Variants in VSNL1 observed in about 807,000 individuals in gnomAD.
The protein encoded by VSNL1 is visinin-like protein 1.
Under a neutral mutation model 20.4 loss-of-function variants are expected in VSNL1, and 6 were observed. The ratio of observed to expected loss-of-function variants is 0.29; its 90% CI spans 0.16 to 0.58. The LOEUF is 0.58. VSNL1 is among the 20% of genes least tolerant of loss of function. The pLI is 0.90. For missense variants in VSNL1, 100 were observed against 234.5 expected, an observed-to-expected ratio of 0.43 and a Z score of 3.75; for synonymous variants, 93 against 86.4, an observed-to-expected ratio of 1.08 and a Z score of -0.42.
intron 2 of VSNL1, among the ~76,000 whole-genome samples, chr2:17,602,780 A>G (rs924525792): frequency 6.6e-6 from 1 of 151,662 alleles, no homozygotes; most frequent in Non-Finnish European, 1.5e-5. Context: ...AAAAAATAAA[A>G]TAAAATAAAA....
At chr2:17,551,780 A>C (rs966209603) in intron 1 of VSNL1, among the ~76,000 whole-genome samples, 2 of 152,104 alleles carry the variant, frequency 1.3e-5, no homozygotes, top group Non-Finnish European at 2.9e-5. Context: ...TTTGGCTGTT[A>C]GCCAAAATTG....
At chr2:17,541,703 C>A (rs974970000) in intron 1 of VSNL1, 5 of 152,138 alleles carry the variant, frequency 3.3e-5, no homozygotes, top group African/African-American at 1.2e-4. Flanking sequence ...GGTAGTATTT[C>A]TTTAAAGGAT....
intron 1 of VSNL1, among the ~76,000 whole-genome samples, chr2:17,559,564 G>A (rs1252811556): frequency 2.6e-5 from 4 of 152,060 alleles, no homozygotes; most frequent in Non-Finnish European, 5.9e-5. Flanking sequence ...ACTTTCTTTT[G>A]TTGGGCTTTA....
intron 1 of VSNL1, among the ~76,000 whole-genome samples, chr2:17,584,234 A>G (rs1043607657): frequency 7.0e-6 from 1 of 143,466 alleles, no homozygotes; most frequent in Non-Finnish European, 1.6e-5. Flanking sequence ...TGACAAAAAG[A>G]AGGAAACCCA....
intron 1 of VSNL1, among the ~76,000 whole-genome samples, chr2:17,550,077 T>C (rs1663495334): frequency 6.6e-6 from 1 of 152,236 alleles, no homozygotes; most frequent in Non-Finnish European, 1.5e-5. Flanking sequence ...CGAGATATTG[T>C]GAGCATACTT....
intron 2 of VSNL1, among the ~76,000 whole-genome samples, chr2:17,614,116 G>C (rs550230053): frequency 6.6e-6 from 1 of 152,210 alleles, no homozygotes; most frequent in East Asian, 1.9e-4. Flanking sequence ...GGGCCCTAGT[G>C]GGGAGGGCAT....
At chr2:17,576,685 GT>G (rs1398011481) in intron 1 of VSNL1, among the ~76,000 whole-genome samples, 1 of 151,994 alleles carries the variant, frequency 6.6e-6, no homozygotes, top group African/African-American at 2.4e-5. Context: ...TACTTTTTCT[GT>G]TTTTTTAGAT....
At chr2:17,582,412 A>AAG (rs1664369512) in intron 1 of VSNL1, among the ~76,000 whole-genome samples, 1 of 152,158 alleles carries the variant, frequency 6.6e-6, no homozygotes, top group Non-Finnish European at 1.5e-5. Context: ...GATAGTATGG[A>AAG]AGATGGAATT....
intron 3 of VSNL1, among the ~76,000 whole-genome samples, chr2:17,652,978 C>T (rs980249329): frequency 2.6e-5 from 4 of 152,176 alleles, no homozygotes; most frequent in African/African-American, 9.7e-5. Context: ...TACTTTGTTT[C>T]CCACCTCTTA....
chr2:17,580,204 C>A (rs1366975214), intron 1 of VSNL1, among the ~76,000 whole-genome samples: 1 of 152,162 alleles, frequency 6.6e-6, no homozygotes, highest in Non-Finnish European at 1.5e-5. Context: ...TTCCATAGAT[C>A]ACCACTTCTG....
chr2:17,649,623 G>A lies in VSNL1; in HGVS notation c.376G>A (p.Glu126Lys), dbSNP rs1418064674. 4 of 1,614,056 alleles carry A rather than the reference G, an allele frequency of 2.5e-6. No homozygotes were observed. The highest frequency in any genetic ancestry group is 3.4e-6 in the Non-Finnish European group (4 of 1,180,012). The change falls in exon 3 of 4, where the codon GAG becomes AAG. Residue 126 changes from glutamate to lysine, a missense_variant and splice_region_variant. Physicochemically the swap from Glu to Lys is moderately conservative, Grantham distance 56. Transcript: ENST00000295156. This position sits in a 1 kb window ranked among gnomAD's most constrained non-coding sequence, Gnocchi z 6.4. ...ITRVEMLEII[E>K]AIYKMVGTVI... is the part of the protein sequence containing the mutation. ...CCGAGTGGAGATGCTGGAGATCATC[G>A]AGGTGAGGCCCGGGGTGTGGTTGGC... is the stretch of plus-strand genomic sequence containing the variant.
rs1198249649 is a variant in VSNL1, at chr2:17,656,297, A to G, written c.*903A>G. On this transcript the variant is annotated 3_prime_UTR_variant, in exon 4 of 4. Coordinates refer to ENST00000295156, the MANE Select transcript of VSNL1 (RefSeq NM_003385.5). ...GGAATTTGAAGAATTAATGACAACA[A>G]AAGGGAAAAAAGCAACTTTCCAACT... 3 of 152,244 alleles carry G rather than the reference A, an allele frequency of 2.0e-5. No homozygotes were observed. The highest frequency in any genetic ancestry group is 7.2e-5 in the African/African-American group (3 of 41,462). The allele number at this position is 152,244 out of a possible 1,614,324, so 9.4% of individuals were successfully genotyped here.
chr2:17,571,613 C>A (rs977145059), intron 1 of VSNL1, among the ~76,000 whole-genome samples: 1 of 152,168 alleles, frequency 6.6e-6, no homozygotes, highest in Admixed American at 6.5e-5. Flanking sequence ...ACCTACTCAG[C>A]ACCAGGGACA....
At position 17,655,459 on chromosome 2, in the gene VSNL1, A is replaced by T. The variant is rs1261113904; in HGVS notation, c.*65A>T. On this transcript the variant is annotated 3_prime_UTR_variant, in exon 4 of 4. Transcript: ENST00000295156. This position sits in a 1 kb window ranked among gnomAD's most constrained non-coding sequence, Gnocchi z 5.2. ...TTCCATTCAGTCTGCAGCTATTCACACACACACACACACACACACACACAC... is the reference window on the plus strand; with the variant it reads ...TTCCATTCAGTCTGCAGCTATTCACTCACACACACACACACACACACACAC... 4.5e-6 allele frequency: 2 copies of T among 445,356 alleles called. No individual in the cohort carries two copies. Among genetic ancestry groups the T allele is most frequent in the Non-Finnish European group, 6.1e-6 (2 of 327,072 alleles). The allele number at this position is 445,356 out of a possible 1,614,324, so 27.6% of individuals were successfully genotyped here.
intron 2 of VSNL1, among the ~76,000 whole-genome samples, chr2:17,643,056 G>A (rs1665915685): frequency 6.6e-6 from 1 of 152,102 alleles, no homozygotes; most frequent in Non-Finnish European, 1.5e-5. Flanking sequence ...GAGCCTACAT[G>A]TGGAAGGAGC....
intron 1 of VSNL1, among the ~76,000 whole-genome samples, chr2:17,569,064 T>C (rs1333247417): frequency 6.6e-6 from 1 of 152,188 alleles, no homozygotes; most frequent in Non-Finnish European, 1.5e-5. Flanking sequence ...TCACAGCACT[T>C]TGGGAGGCCG....
intron 1 of VSNL1, among the ~76,000 whole-genome samples, chr2:17,590,587 GC>G (rs1287413317): frequency 2.0e-5 from 3 of 152,144 alleles, no homozygotes; most frequent in Non-Finnish European, 4.4e-5. Context: ...ATTTTGTGCT[GC>G]CGAGATTGTG....
intron 2 of VSNL1, among the ~76,000 whole-genome samples, chr2:17,606,072 G>C (rs531199308): frequency 6.6e-6 from 1 of 152,328 alleles, no homozygotes; most frequent in South Asian, 2.1e-4. Flanking sequence ...GCACAAAGTA[G>C]TTAAGTAACT....
chr2:17,590,571 G>C (rs1664574681), intron 1 of VSNL1, among the ~76,000 whole-genome samples: 3 of 152,106 alleles, frequency 2.0e-5, no homozygotes, highest in Non-Finnish European at 4.4e-5. Flanking sequence ...GGTATCATCT[G>C]ACTGCATTTT....
Sources: gnomAD v4.1 joint callset for allele counts (sites outside exome capture counted in the v4.1 genomes callset) on GRCh38, gnomAD v4.1.1 for gene constraint, Gnocchi (gnomAD v3.1) non-coding constraint, MANE v1.5 for transcripts, NCBI Gene and HGNC (gene_info 2026-07-23, HGNC 2026-07-21) for gene names.